MTRR: variants seen among roughly 807,000 people sequenced by gnomAD.
MTRR encodes 5-methyltetrahydrofolate-homocysteine methyltransferase reductase, also known as methionine synthase reductase.
In MTRR, 63 loss-of-function variants were observed where a neutral mutation model predicts 79.2. The ratio of observed to expected loss-of-function variants is 0.80; its 90% CI spans 0.65 to 0.98. The LOEUF (loss-of-function observed/expected upper bound fraction) is 0.98, where lower values mean the gene tolerates loss of function less well. Ranked by LOEUF, MTRR falls within the 50% of genes least tolerant of loss-of-function variation. The pLI is 0.00. For synonymous variants in MTRR, 355 were observed against 313.3 expected (o/e 1.13, Z -1.41); for missense variants, 895 against 839.6 (o/e 1.07, Z -0.82).
chr5:7,886,692 A>T lies in MTRR; in HGVS notation c.1135A>T (p.Ile379Phe). Reference protein sequence around the residue: ...IFTWCLEIRAIPKKAFLRALV... With the variant: ...IFTWCLEIRAFPKKAFLRALV... ...TACCTGGTGTCTTGAAATCCGAGCAATTCCTAAAAAGGTATTTTTTTCTGT... is the reference window on the plus strand; with the variant it reads ...TACCTGGTGTCTTGAAATCCGAGCATTTCCTAAAAAGGTATTTTTTTCTGT... Residue 379 changes from isoleucine (I) to phenylalanine (F), a missense_variant, in exon 8 of 15, where the codon ATT becomes TTT. Coordinates refer to ENST00000440940, the MANE Select transcript of MTRR (RefSeq NM_002454.3). 6.2e-7 allele frequency: 1 copy of T among 1,611,298 alleles called. No homozygotes were observed. Among genetic ancestry groups the T allele is most frequent in the Non-Finnish European group, 8.5e-7 (1 of 1,177,438 alleles).
At position 7,869,495 on chromosome 5, in the gene MTRR, G is replaced by T. The variant is rs73032346; in HGVS notation, c.-26+280G>T. The T allele has an allele frequency of 2.7e-3, 1,241 of 462,728 alleles. 10 individuals carry two copies. Among genetic ancestry groups the T allele is most frequent in the African/African-American group, 0.019 (922 of 47,794 alleles). 28.7% of individuals were successfully genotyped at this position (462,728 alleles called of 1,614,324 possible). ...GGTCTCTCCTCATGTTCTGCCTTTG[G>T]TTCTAGGCGCTTTCCAGGCCTAGGG... On this transcript the variant is annotated intron_variant, in intron 1 of 14. Transcript: ENST00000440940.
rs1738646208 is a variant in MTRR at position 7,897,047 on chromosome 5, T to G, written c.1770-18T>G. ...AGCTTGACAACCTTTTAGTGATCCATTATATATTATATTTCAGAAAAGAGC... is the reference window on the plus strand; with the variant it reads ...AGCTTGACAACCTTTTAGTGATCCAGTATATATTATATTTCAGAAAAGAGC... On this transcript the variant is annotated intron_variant, in intron 13 of 14. Coordinates refer to ENST00000440940, the MANE Select transcript of MTRR (RefSeq NM_002454.3). 1 of 1,612,926 alleles carries G rather than the reference T, an allele frequency of 6.2e-7. No homozygotes were observed. Among genetic ancestry groups the G allele is most frequent in the African/African-American group, 1.3e-5 (1 of 74,878 alleles).
intron 5 of MTRR, 117 bp downstream of exon 5, chr5:7,878,439 T>C: frequency 1.5e-6 from 2 of 1,323,956 alleles, no homozygotes; most frequent in Non-Finnish European, 2.1e-6. Context: ...ACTGGCCCAA[T>C]GTGGCCCAGA....
chr5:7,874,443 T>A (rs1748519159), intron 3 of MTRR, among the ~76,000 whole-genome samples: 2 of 152,256 alleles, frequency 1.3e-5, no homozygotes, highest in African/African-American at 4.8e-5. Flanking sequence ...AGAGAACACA[T>A]ACTTGTTTGA....
At chr5:7,857,969 T>C (rs565242706) in intron 1 of MTRR, among the ~76,000 whole-genome samples, 11 of 152,364 alleles carry the variant, frequency 7.2e-5, no homozygotes, top group African/African-American at 2.6e-4. Flanking sequence ...TGCTGTATTT[T>C]TCTTCATAGC....
chr5:7,884,641 C>G (rs1736118478), intron 6 of MTRR, among the ~76,000 whole-genome samples: 2 of 152,080 alleles, frequency 1.3e-5, no homozygotes, highest in Non-Finnish European at 2.9e-5. Context: ...TGAGATGTGC[C>G]TCGATGCACC....
chr5:7,861,559 G>T (rs1746538640), intron 1 of MTRR: 3 of 1,524,396 alleles, frequency 2.0e-6, no homozygotes, highest in Non-Finnish European at 2.6e-6. Context: ...CTTGTAATGT[G>T]AAAAACACAA....
chr5:7,871,006 A>G, intron 2 of MTRR, 83 bp downstream of exon 2: 2 of 1,454,128 alleles, frequency 1.4e-6, no homozygotes, highest in East Asian at 2.3e-5. Flanking sequence ...ACAAAAGGAC[A>G]CTAATACCAC....
intron 1 of MTRR, among the ~76,000 whole-genome samples, chr5:7,857,725 G>A (rs1197092409): frequency 6.6e-6 from 1 of 152,170 alleles, no homozygotes; most frequent in East Asian, 1.9e-4. Flanking sequence ...TCAAGGGCAG[G>A]GGCTCTTTCC....
At chr5:7,860,536 A>T (rs746575863) in intron 1 of MTRR, among the ~76,000 whole-genome samples, 8 of 152,348 alleles carry the variant, frequency 5.3e-5, no homozygotes, top group Non-Finnish European at 8.8e-5. Context: ...ACTTTTGAAA[A>T]ATCAAAGCTC....
intron 1 of MTRR, chr5:7,861,850 TA>T: frequency 1.7e-6 from 2 of 1,192,758 alleles, no homozygotes; most frequent in Non-Finnish European, 2.2e-6. Context: ...AAGTCAGCCT[TA>T]AATTAAGAAA....
chr5:7,896,977 T>G lies in MTRR; in HGVS notation c.1769+21T>G, dbSNP rs373476778. ...TTCAGGTATTGTACAATTCCAGTAT[T>G]GTACTCAACCACTGAGTGTACAATT... On this transcript the variant is annotated intron_variant, in intron 13 of 14. Transcript: ENST00000440940. 13 of 1,612,840 alleles carry G rather than the reference T, an allele frequency of 8.1e-6. No individual in the cohort carries two copies. In the African/African-American group the frequency reaches 1.7e-4, roughly 22 times the overall value.
chr5:7,897,199 A>G lies in MTRR; in HGVS notation c.1904A>G (p.Gln635Arg). ...GACAACATCCAGCTTCATGGCCAGC[A>G]GGTGGCGAGAATCCTCCTCCAGGAG... ...VQDNIQLHGQ[Q>R]VARILLQENG... Residue 635 changes from glutamine (Q) to arginine (R), a missense_variant, in exon 14 of 15, where the codon CAG becomes CGG. Transcript: ENST00000440940. 1 of 1,614,156 alleles carries G rather than the reference A, an allele frequency of 6.2e-7. No individual in the cohort carries two copies. Among genetic ancestry groups the G allele is most frequent in the Non-Finnish European group, 8.5e-7 (1 of 1,180,004 alleles).
chr5:7,877,503 CAAAAAAA>C (rs11324670), intron 4 of MTRR, among the ~76,000 whole-genome samples: 1 of 100,510 alleles, frequency 9.9e-6, no homozygotes, highest in Non-Finnish European at 2.1e-5. Context: ...ATTGGCTAGG[CAAAAAAA>C]AAAAAAAAAA....
upstream of MTRR, chr5:7,868,945 A>G (rs1429445322): frequency 8.6e-6 from 6 of 698,336 alleles, no homozygotes; most frequent in Admixed American, 2.0e-5. Context: ...ACCCAGCCGG[A>G]CCAACTGCGC....
exon 1 of MTRR, chr5:7,869,136 GGGCGCTGCGTCAGTGCGCGCT>G: frequency 6.2e-7 from 1 of 1,613,410 alleles, no homozygotes; most frequent in Non-Finnish European, 8.5e-7. Flanking sequence ...TACCGAGCAT[GGGCGCTGCGTCAGTGCGCGCT>G]GGCGCAAGGT....
At position 7,869,188 on chromosome 5, in the gene MTRR, A is replaced by C. The variant is rs1230240132; in HGVS notation, c.-53A>C. 7 of 1,610,798 alleles carry C rather than the reference A, an allele frequency of 4.3e-6. No individual in the cohort carries two copies. The highest frequency in any genetic ancestry group is 5.9e-6 in the Non-Finnish European group (7 of 1,179,808). On this transcript the variant is annotated 5_prime_UTR_variant, in exon 1 of 15. Coordinates refer to ENST00000440940, the MANE Select transcript of MTRR (RefSeq NM_002454.3). Reference sequence around the variant, plus strand: ...AAGGTTGGTGGAAGTCGCGTTGTGCAGGTTCGTGCCCGGCTGGCGCGGCGT... The same window carrying C: ...AAGGTTGGTGGAAGTCGCGTTGTGCCGGTTCGTGCCCGGCTGGCGCGGCGT...
At chr5:7,898,452 A>G (rs1262777687) in intron 14 of MTRR, among the ~76,000 whole-genome samples, 3 of 152,164 alleles carry the variant, frequency 2.0e-5, no homozygotes, top group African/African-American at 4.8e-5. Flanking sequence ...CATTTGTGAA[A>G]TGCACTTGGA....
intron 9 of MTRR, among the ~76,000 whole-genome samples, chr5:7,890,685 A>C (rs1172716717): frequency 6.6e-6 from 1 of 152,208 alleles, no homozygotes; most frequent in African/African-American, 2.4e-5. Context: ...CATTATACAT[A>C]GACCTTTTCA....
Sources: gnomAD v4.1 joint callset for allele counts (sites outside exome capture counted in the v4.1 genomes callset) on GRCh38, gnomAD v4.1.1 for gene constraint, MANE v1.5 for transcripts, NCBI Gene and HGNC (gene_info 2026-07-23, HGNC 2026-07-21) for gene names.